SHFL: variants seen among roughly 807,000 people sequenced by gnomAD.
The protein encoded by SHFL is shiftless antiviral inhibitor of ribosomal frameshifting, also known as shiftless antiviral inhibitor of ribosomal frameshifting protein.
Under a neutral mutation model 34.7 loss-of-function variants are expected in SHFL, and 12 were observed. That is an observed-to-expected ratio of 0.35 (90% confidence interval 0.22 to 0.56). The LOEUF (loss-of-function observed/expected upper bound fraction) is 0.56. SHFL is among the 20% of genes least tolerant of loss of function. SHFL has a pLI of 0.88. For synonymous variants in SHFL, 148 were observed against 156.0 expected (o/e 0.95, Z 0.38); for missense variants, 278 against 411.1 (o/e 0.68, Z 2.80).
At chr19:10,088,568 CAAACAAACAA>C (rs1309344827) in intron 3 of SHFL, among the ~76,000 whole-genome samples, 1 of 151,890 alleles carries the variant, frequency 6.6e-6, no homozygotes, top group Non-Finnish European at 1.5e-5. Context: ...TTCTCCGTCT[CAAACAAACAA>C]AAACAAACAA....
intron 4 of SHFL, 23 bp downstream of exon 4, chr19:10,089,718 G>T (rs781665835): frequency 6.3e-7 from 1 of 1,591,466 alleles, no homozygotes; most frequent in African/African-American, 1.3e-5. Flanking sequence ...CTAGGGCTTG[G>T]GATGGGGGAG....
chr19:10,089,952 C>T lies in SHFL; in HGVS notation c.289C>T (p.Arg97Cys), dbSNP rs778179423. Residue 97 changes from arginine (R) to cysteine (C), a missense_variant, in exon 5 of 8, where the codon CGT becomes TGT. Transcript: ENST00000253110. The part of the protein sequence containing the change: ...LTEANLRMFQ[R>C]AQDDLIPAVD... ...AGAAGCCAACCTACGCATGTTTCAACGTGCCCAGGACGACCTTATCCCTGC... is the reference window on the plus strand; with the variant it reads ...AGAAGCCAACCTACGCATGTTTCAATGTGCCCAGGACGACCTTATCCCTGC... The T allele has an allele frequency of 2.5e-6, 4 of 1,611,924 alleles. No individual in the cohort carries two copies. The highest frequency in any genetic ancestry group is 2.2e-5 in the South Asian group (2 of 90,374).
rs779485915 is a variant in SHFL at position 10,091,281 on chromosome 19, A to G, written c.416A>G (p.Tyr139Cys). Reference protein sequence around the residue: ...VSRCRKCRKRYEPVPADKMWG... With the variant: ...VSRCRKCRKRCEPVPADKMWG... ...CGGTGCCGGAAATGCCGGAAGCGCT[A>G]CGAGCCAGTGCCAGCTGACAAGATG... Residue 139 changes from tyrosine to cysteine, a missense_variant, in exon 6 of 8, where the codon TAC becomes TGC. By Grantham distance (194) the Tyr-to-Cys change is radical. Coordinates refer to ENST00000253110, the MANE Select transcript of SHFL (RefSeq NM_018381.4). This position sits in a 1 kb window ranked among gnomAD's most constrained non-coding sequence, Gnocchi z 8.2. 3 of 1,613,850 alleles carry G rather than the reference A, an allele frequency of 1.9e-6. No homozygotes were observed. The highest frequency in any genetic ancestry group is 2.5e-6 in the Non-Finnish European group (3 of 1,179,838).
At chr19:10,089,636 G>C (rs1194923918) in intron 3 of SHFL, 21 bp from the exon 4 acceptor site, 5 of 1,582,994 alleles carry the variant, frequency 3.2e-6, no homozygotes, top group Non-Finnish European at 2.6e-6. Flanking sequence ...CCCAGTTTCT[G>C]CCCCTGCTAT....
At chr19:10,089,298 C>T (rs1279221595) in intron 3 of SHFL, 1 of 1,598,026 alleles carries the variant, frequency 6.3e-7, no homozygotes, top group South Asian at 1.1e-5. Context: ...ACATCTCTCT[C>T]CCACTTAGCC....
chr19:10,089,305 A>C, intron 3 of SHFL: 1 of 1,598,256 alleles, frequency 6.3e-7, no homozygotes, highest in East Asian at 2.2e-5. Flanking sequence ...TCTCCCACTT[A>C]GCCGAGCACA....
rs1197579865 is a variant in SHFL at position 10,093,234 on chromosome 19, C to CT, written c.*934dup. The CT allele has an allele frequency of 7.4e-7, 1 of 1,357,836 alleles. No individual in the cohort carries two copies. Among genetic ancestry groups the CT allele is most frequent in the African/African-American group, 1.5e-5 (1 of 68,442 alleles). The allele number at this position is 1,357,836 out of a possible 1,614,324, so 84.1% of individuals were successfully genotyped here. Reference sequence around the variant, plus strand: ...GTTCTCTTGACGGAATAAAAGCTTGCTTATCCTTATACTTACCAGAGGGGC... The same window carrying CT: ...GTTCTCTTGACGGAATAAAAGCTTGCTTTATCCTTATACTTACCAGAGGGGC... On this transcript the variant is annotated 3_prime_UTR_variant, in exon 8 of 8. Coordinates refer to ENST00000253110, the MANE Select transcript of SHFL (RefSeq NM_018381.4).
In SHFL at chr19:10,092,260, AGAG is replaced by A. The variant is rs772477160; in HGVS notation, c.842_844del (p.Glu281del). On this transcript the variant is annotated inframe_deletion, in exon 8 of 8. Transcript: ENST00000253110. ...AGGACCTGAAGGAGGAGGAGGAGGA[AGAG>A]GAGGAGGTGGAGGACGAGGAGGGCG... 2 of 1,605,324 alleles carry A rather than the reference AGAG, an allele frequency of 1.2e-6. No individual in the cohort carries two copies. Among genetic ancestry groups the A allele is most frequent in the Non-Finnish European group, 1.7e-6 (2 of 1,175,774 alleles).
rs1466233045 is a variant in SHFL, at chr19:10,086,522, G to A, written c.21+74G>A. ...GGAGCGGCCGGGAGGCGCGGAGGGGGCTTCGCAGTTCCTGGGGACCCCCAT... is the reference window on the plus strand; with the variant it reads ...GGAGCGGCCGGGAGGCGCGGAGGGGACTTCGCAGTTCCTGGGGACCCCCAT... On this transcript the variant is annotated intron_variant, in intron 1 of 7. Transcript: ENST00000253110. This position sits in a 1 kb window ranked among gnomAD's most constrained non-coding sequence, Gnocchi z 5.2. The A allele has an allele frequency of 1.6e-6, 2 of 1,288,630 alleles. No homozygotes were observed. The highest frequency in any genetic ancestry group is 2.0e-6 in the Non-Finnish European group (2 of 1,001,410). The allele number at this position is 1,288,630 out of a possible 1,614,324, so 79.8% of individuals were successfully genotyped here. A position where few individuals can be genotyped will look rare whatever the true frequency, so the allele number is the denominator to read the frequency against.
chr19:10,092,728 T>TGGGC lies in SHFL; in HGVS notation c.*427_*430dup. Reference sequence around the variant, plus strand: ...GTGCCACACACCGTTGAGGTTGGAGTGGGCACAGGCATGGTACCACCAGCC... The same window carrying TGGGC: ...GTGCCACACACCGTTGAGGTTGGAGTGGGCGGGCACAGGCATGGTACCACCAGCC... On this transcript the variant is annotated 3_prime_UTR_variant, in exon 8 of 8. Coordinates refer to ENST00000253110, the MANE Select transcript of SHFL (RefSeq NM_018381.4). The TGGGC allele has an allele frequency of 6.2e-7, 1 of 1,613,148 alleles. No homozygotes were observed. Among genetic ancestry groups the TGGGC allele is most frequent in the Non-Finnish European group, 8.5e-7 (1 of 1,179,336 alleles).
chr19:10,090,413 C>T (rs1160815853), intron 5 of SHFL: 1 of 188,012 alleles, frequency 5.3e-6, no homozygotes, highest in African/African-American at 2.4e-5. Flanking sequence ...GCCTGGGTGA[C>T]AGGGTGAGAC....
intron 3 of SHFL, 182 bp downstream of exon 3, chr19:10,087,482 T>C: frequency 1.6e-6 from 1 of 645,058 alleles, no homozygotes; most frequent in Non-Finnish European, 2.7e-6. Flanking sequence ...CCAGGGAGCC[T>C]GCAAACAGTA....
intron 3 of SHFL, chr19:10,089,144 A>C (rs2088338884): frequency 1.5e-6 from 1 of 663,630 alleles, no homozygotes; most frequent in Non-Finnish European, 2.6e-6. Flanking sequence ...ACTTGCCAGC[A>C]AGCAGGGGCA....
rs541278973 is a variant in SHFL, at chr19:10,090,417, G to A, written c.384+370G>A. On this transcript the variant is annotated intron_variant, in intron 5 of 7. Coordinates refer to ENST00000253110, the MANE Select transcript of SHFL (RefSeq NM_018381.4). ...GTTTGAGACCAGCCTGGGTGACAGG[G>A]TGAGACCCTGTCTCCAAAAAAAAAT... The A allele has an allele frequency of 5.3e-4, 92 of 175,166 alleles. No individual in the cohort carries two copies. The East Asian group carries it at 0.013, about 25-fold the overall frequency. The allele number at this position is 175,166 out of a possible 1,614,324, so 10.9% of individuals were successfully genotyped here. A position where few individuals can be genotyped will look rare whatever the true frequency, so the allele number is the denominator to read the frequency against.
chr19:10,092,236 G>A lies in SHFL; in HGVS notation c.810G>A (p.Glu270=), dbSNP rs746236995. The A allele has an allele frequency of 1.4e-5, 23 of 1,612,092 alleles. No homozygotes were observed. Among genetic ancestry groups the A allele is most frequent in the Non-Finnish European group, 1.7e-5 (20 of 1,179,110 alleles). Residue 270 remains glutamate (E), a synonymous_variant, in exon 8 of 8, where the codon GAG becomes GAA. Coordinates refer to ENST00000253110, the MANE Select transcript of SHFL (RefSeq NM_018381.4). ...LLEDLDNLIL[E]DLKEEEEEEE... is the part of the protein sequence containing the mutation. ...AAGACCTGGACAACCTCATCCTGGA[G>A]GACCTGAAGGAGGAGGAGGAGGAAG...
Position 10,093,065 on chromosome 19 carries a change from A to C in SHFL, c.*763A>C, listed in dbSNP as rs994027468. The C allele has an allele frequency of 4.1e-6, 2 of 490,238 alleles. No homozygotes were observed. 30.4% of individuals were successfully genotyped at this position (490,238 alleles called of 1,614,324 possible). The stretch of plus-strand genomic sequence containing the variant: ...ACCGTTCATTCCTTTATCAAAGAAA[A>C]GTATCTACTTCCTTTCTAGAATAAG... On this transcript the variant is annotated 3_prime_UTR_variant, in exon 8 of 8. Transcript: ENST00000253110.
At chr19:10,090,240 G>A in intron 5 of SHFL, 193 bp downstream of exon 5, 1 of 638,360 alleles carries the variant, frequency 1.6e-6, no homozygotes, top group East Asian at 2.8e-5. Context: ...CCTTAAATGT[G>A]AGAAGCCCAA....
chr19:10,090,028 G>A lies in SHFL; in HGVS notation c.365G>A (p.Arg122His), dbSNP rs376516948. 41 of 1,603,114 alleles carry A rather than the reference G, an allele frequency of 2.6e-5. No individual in the cohort carries two copies. Among genetic ancestry groups the A allele is most frequent in the Admixed American group, 5.1e-5 (3 of 58,324 alleles). The change falls in exon 5 of 8, where the codon CGC becomes CAC. Residue 122 changes from arginine to histidine, a missense_variant. Arg to His is a conservative substitution (Grantham distance 29). This residue lies in a region of SHFL where 243 missense variants were observed against 386.2 expected (regional missense o/e 0.63). Coordinates refer to ENST00000253110, the MANE Select transcript of SHFL (RefSeq NM_018381.4). ...TCCTGCGACCACGTCTGGTGGCGCC[G>A]CGTGCCCCAGCGGAAGGAGGTGATG... ...CSSCDHVWWR[R>H]VPQRKEVSRC...
In SHFL at chr19:10,092,423, CG is replaced by C. The variant is rs1291964984; in HGVS notation, c.*128del. Reference sequence around the variant, plus strand: ...GAGCCATCTGAGGCCAAGATATTGACGGGGGGGATTCCTGGGTCCCATTTTC... The same window carrying C: ...GAGCCATCTGAGGCCAAGATATTGACGGGGGGATTCCTGGGTCCCATTTTC... On this transcript the variant is annotated 3_prime_UTR_variant, in exon 8 of 8. Coordinates refer to ENST00000253110, the MANE Select transcript of SHFL (RefSeq NM_018381.4). 8.6e-6 allele frequency: 13 copies of C among 1,512,168 alleles called. No homozygotes were observed. Among genetic ancestry groups the C allele is most frequent in the Admixed American group, 2.4e-5 (1 of 41,070 alleles). 93.7% of individuals were successfully genotyped at this position (1,512,168 alleles called of 1,614,324 possible).
Sources: allele counts gnomAD v4.1 joint callset (sites outside exome capture counted in the v4.1 genomes callset), GRCh38; gene constraint gnomAD v4.1.1; regional missense constraint gnomAD v4.1.1; non-coding constraint Gnocchi (gnomAD v3.1); transcripts MANE v1.5; gene names NCBI Gene and HGNC (gene_info 2026-07-23, HGNC 2026-07-21).